Variants in SH3GL3 observed in about 807,000 individuals in gnomAD.
SH3GL3 encodes the protein SH3 domain containing GRB2 like 3, endophilin A3.
Under a neutral mutation model 47.7 loss-of-function variants are expected in SH3GL3, and 33 were observed. The ratio of observed to expected loss-of-function variants is 0.69; its 90% CI spans 0.52 to 0.92. The LOEUF is 0.92. Among genes scored for constraint, SH3GL3 ranks in the 40% least tolerant of loss-of-function variants. The pLI is 0.00. For missense variants in SH3GL3, 363 were observed against 417.8 expected (o/e 0.87, Z 1.14); for synonymous variants, 155 against 148.8 (o/e 1.04, Z -0.30).
intron 1 of SH3GL3, among the ~76,000 whole-genome samples, chr15:83,508,540 A>T (rs1437361450): frequency 6.6e-6 from 1 of 151,866 alleles, no homozygotes; most frequent in Non-Finnish European, 1.5e-5. Flanking sequence ...GAGAGGAGCC[A>T]TTGCAGAGTT....
At chr15:83,607,092 A>T (rs1211289311) in intron 8 of SH3GL3, among the ~76,000 whole-genome samples, 1 of 152,196 alleles carries the variant, frequency 6.6e-6, no homozygotes, top group Non-Finnish European at 1.5e-5. Flanking sequence ...AACAGTCTGT[A>T]AAAAGAGTTT....
chr15:83,593,298 T>G (rs1028074481), intron 8 of SH3GL3, among the ~76,000 whole-genome samples: 1 of 152,254 alleles, frequency 6.6e-6, no homozygotes, highest in Non-Finnish European at 1.5e-5. Context: ...AATTGATAGC[T>G]TAACAATATT....
chr15:83,608,722 A>C (rs999718332), intron 8 of SH3GL3, among the ~76,000 whole-genome samples: 3 of 152,000 alleles, frequency 2.0e-5, no homozygotes, highest in Non-Finnish European at 4.4e-5. Context: ...TGAAAGTTCC[A>C]AATTGGGTTT....
At chr15:83,518,242 G>A (rs2151645137) in intron 1 of SH3GL3, among the ~76,000 whole-genome samples, 1 of 152,244 alleles carries the variant, frequency 6.6e-6, no homozygotes, top group East Asian at 1.9e-4. Flanking sequence ...ATTTTCCTTT[G>A]GGTATATGCC....
intron 1 of SH3GL3, among the ~76,000 whole-genome samples, chr15:83,472,043 C>G (rs1203366751): frequency 6.6e-6 from 1 of 152,182 alleles, no homozygotes; most frequent in Non-Finnish European, 1.5e-5. Flanking sequence ...ACCACCACAC[C>G]TGGCTAATTT....
chr15:83,466,815 G>A (rs560369636), intron 1 of SH3GL3, among the ~76,000 whole-genome samples: 46 of 152,320 alleles, frequency 3.0e-4, no homozygotes, highest in South Asian at 1.9e-3. Flanking sequence ...ATGTTGAATA[G>A]CTTTGCATAT....
chr15:83,585,611 C>T (rs1035576842), intron 6 of SH3GL3, among the ~76,000 whole-genome samples: 13 of 152,066 alleles, frequency 8.5e-5, no homozygotes, highest in African/African-American at 2.4e-4. Context: ...TTTAAAAGTA[C>T]GTGTAAAAGC....
At chr15:83,463,983 A>G (rs1451202197) in intron 1 of SH3GL3, among the ~76,000 whole-genome samples, 1 of 151,864 alleles carries the variant, frequency 6.6e-6, no homozygotes, top group Non-Finnish European at 1.5e-5. Flanking sequence ...GCTGGTCTCA[A>G]ACTCCTGACC....
At chr15:83,474,268 G>A (rs772779598) in intron 1 of SH3GL3, among the ~76,000 whole-genome samples, 4 of 151,982 alleles carry the variant, frequency 2.6e-5, no homozygotes, top group African/African-American at 7.2e-5. Context: ...GCTAAATGTC[G>A]AATGAACATT....
chr15:83,601,006 T>C (rs1596333544), intron 8 of SH3GL3, among the ~76,000 whole-genome samples: 1 of 152,238 alleles, frequency 6.6e-6, no homozygotes, highest in Non-Finnish European at 1.5e-5. Context: ...TGTTGGTATA[T>C]AGCAGAGCTA....
At chr15:83,529,465 C>A (rs1236163206) in intron 1 of SH3GL3, among the ~76,000 whole-genome samples, 1 of 152,002 alleles carries the variant, frequency 6.6e-6, no homozygotes, top group East Asian at 1.9e-4. Flanking sequence ...GGCTGGGTGG[C>A]CCCTCCTCAG....
intron 8 of SH3GL3, chr15:83,609,535 A>C (rs2060610277): frequency 3.1e-6 from 1 of 323,362 alleles, no homozygotes; most frequent in African/African-American, 2.2e-5. Context: ...CGTTGTATGA[A>C]TTACTTCTCT....
chr15:83,588,048 G>C (rs1217650350), intron 7 of SH3GL3, among the ~76,000 whole-genome samples: 1 of 152,178 alleles, frequency 6.6e-6, no homozygotes, highest in Non-Finnish European at 1.5e-5. Flanking sequence ...CCATCACTGG[G>C]TGCCGACCGC....
chr15:83,578,877 C>G (rs1277209837), intron 6 of SH3GL3, among the ~76,000 whole-genome samples: 1 of 152,102 alleles, frequency 6.6e-6, no homozygotes, highest in Non-Finnish European at 1.5e-5. Context: ...TGGAATGTTG[C>G]CCTGCTGGCT....
chr15:83,477,668 A>G (rs530314287), intron 1 of SH3GL3, among the ~76,000 whole-genome samples: 3 of 152,180 alleles, frequency 2.0e-5, no homozygotes, highest in Non-Finnish European at 2.9e-5. Context: ...CAGAAATTCT[A>G]TGCAGAAATT....
intron 2 of SH3GL3, among the ~76,000 whole-genome samples, chr15:83,562,502 T>C (rs905775976): frequency 1.4e-4 from 22 of 152,210 alleles, no homozygotes; most frequent in African/African-American, 5.3e-4. Context: ...ATATCTAATT[T>C]GTTACATTAT....
chr15:83,595,071 A>G (rs1315616702), intron 8 of SH3GL3, among the ~76,000 whole-genome samples: 2 of 152,236 alleles, frequency 1.3e-5, no homozygotes, highest in South Asian at 4.1e-4. Context: ...TCGCAGCACT[A>G]TTCACAATAG....
At chr15:83,578,956 G>T (rs2059759046) in intron 6 of SH3GL3, among the ~76,000 whole-genome samples, 1 of 152,116 alleles carries the variant, frequency 6.6e-6, no homozygotes, top group African/African-American at 2.4e-5. Context: ...TGACCCATTT[G>T]TTCCATTCAC....
intron 1 of SH3GL3, among the ~76,000 whole-genome samples, chr15:83,516,393 T>C (rs1446461768): frequency 6.6e-6 from 1 of 152,172 alleles, no homozygotes; most frequent in Non-Finnish European, 1.5e-5. Flanking sequence ...TTATCTATAG[T>C]TTTACAACCT....
Sources: gnomAD v4.1 joint callset for allele counts (sites outside exome capture counted in the v4.1 genomes callset) on GRCh38, gnomAD v4.1.1 for gene constraint, MANE v1.5 for transcripts, NCBI Gene and HGNC (gene_info 2026-07-23, HGNC 2026-07-21) for gene names.